Variants in GPM6A observed in about 807,000 individuals in gnomAD.
The protein encoded by GPM6A is glycoprotein M6A, also known as neuronal membrane glycoprotein M6-a.
GPM6A carries 7 observed loss-of-function variants against 32.1 expected under a neutral mutation model. That is an observed-to-expected ratio of 0.22 (90% CI 0.12 to 0.41). The LOEUF (loss-of-function observed/expected upper bound fraction) is 0.41. GPM6A is among the 10% of genes least tolerant of loss of function. The pLI is 1.00. For missense variants in GPM6A, 235 were observed against 347.2 expected, an observed-to-expected ratio of 0.68 and a Z score of 2.57; for synonymous variants, 130 against 123.4, an observed-to-expected ratio of 1.05 and a Z score of -0.35.
At chr4:175,842,316 T>C (rs1476446954) in intron 1 of GPM6A, among the ~76,000 whole-genome samples, 1 of 152,162 alleles carries the variant, frequency 6.6e-6, no homozygotes, top group Non-Finnish European at 1.5e-5. Context: ...GGTGTTACTA[T>C]GTAAATGACT....
At chr4:175,968,850 A>G (rs142966081) in intron 1 of GPM6A, among the ~76,000 whole-genome samples, 34 of 152,358 alleles carry the variant, frequency 2.2e-4, no homozygotes, top group African/African-American at 8.2e-4. Flanking sequence ...AAAATGGTAC[A>G]GCCATTTTAG....
At chr4:175,862,668 T>A (rs1053704685) in intron 1 of GPM6A, among the ~76,000 whole-genome samples, 5 of 152,136 alleles carry the variant, frequency 3.3e-5, no homozygotes, top group African/African-American at 7.2e-5. Context: ...TAGTAACCAA[T>A]CTAAATCCCC....
At chr4:175,812,310 T>TTTTG, upstream of GPM6A, 5 of 1,129,188 alleles carry the variant, frequency 4.4e-6, no homozygotes, top group Non-Finnish European at 4.5e-6. Context: ...GGTTTTTTTT[T>TTTTG]TTTTTTTTTT....
Position 175,993,507 on chromosome 4 carries a change from G to T in GPM6A, c.-23+8802C>A, listed in dbSNP as rs7683937. On this transcript the variant is annotated intron_variant, in intron 1 of 7. Transcript: ENST00000280187. ...TCTTTCACAAGGGCCTTTGGTCTAAGGTTAACTCCCTCCCACAACTGTTTT... is the reference window on the plus strand; with the variant it reads ...TCTTTCACAAGGGCCTTTGGTCTAATGTTAACTCCCTCCCACAACTGTTTT... Among the ~76,000 whole-genome samples the T allele has an allele frequency of 4.8e-3, 724 of 152,096 alleles. 12 individuals carry two copies. The highest frequency in any genetic ancestry group is 0.016 in the African/African-American group (675 of 41,484).
At chr4:175,812,106 T>G in intron 1 of GPM6A, 85 bp downstream of exon 1, 1 of 1,000,296 alleles carries the variant, frequency 1.0e-6, no homozygotes, top group Non-Finnish European at 1.5e-6. Context: ...GAAACATTCA[T>G]TAGCCTTACT....
intron 1 of GPM6A, among the ~76,000 whole-genome samples, chr4:175,870,998 C>T (rs976017383): frequency 6.6e-6 from 1 of 151,936 alleles, no homozygotes; most frequent in African/African-American, 2.4e-5. Flanking sequence ...ATGTTAATAT[C>T]ATATTTCTAG....
rs1333660900 is a variant in GPM6A at position 175,702,608 on chromosome 4, G to A, written c.38-841C>T. On this transcript the variant is annotated intron_variant, in intron 1 of 6. Transcript: ENST00000393658. ...CGGCTCACTGCAATCTCTGCCTCCC[G>A]AGTTCAAGAGATTCTCCTGCCTTAG... is the stretch of plus-strand genomic sequence containing the variant. 5.3e-5 allele frequency among the ~76,000 whole-genome samples: 8 copies of A among 151,990 alleles called. No individual in the cohort carries two copies. The South Asian group carries it at 6.2e-4, about 12-fold the overall frequency.
intron 4 of GPM6A, among the ~76,000 whole-genome samples, chr4:175,650,300 T>C (rs1741721645): frequency 2.2e-5 from 2 of 89,986 alleles, no homozygotes; most frequent in Admixed American, 2.2e-4. Flanking sequence ...ATTTATTTAT[T>C]TATTTATTTA....
chr4:175,864,038 C>T (rs147673408), intron 1 of GPM6A, among the ~76,000 whole-genome samples: 2 of 152,176 alleles, frequency 1.3e-5, no homozygotes, highest in East Asian at 3.9e-4. Context: ...TTTATCAATA[C>T]CATTGCCAAC....
rs66569311 is a variant in GPM6A at position 175,820,500 on chromosome 4, CTTTTTTTT to C, written c.-22-8259_-22-8252del. Among the ~76,000 whole-genome samples, 9 of 112,126 alleles carry C rather than the reference CTTTTTTTT, an allele frequency of 8.0e-5. No homozygotes were observed. In the Admixed American group the frequency reaches 1.0e-3, roughly 13 times the overall value. 73.6% of individuals were successfully genotyped at this position (112,126 alleles called of 152,430 possible). ...GTAGGTTTTCTTTTTTCTTTTCTTT[CTTTTTTTT>C]TTTTTTTTTTGAGATGGAGTCTTGC... On this transcript the variant is annotated intron_variant, in intron 1 of 7. Transcript: ENST00000280187.
intron 1 of GPM6A, among the ~76,000 whole-genome samples, chr4:175,967,301 G>C (rs1041463920): frequency 6.6e-6 from 1 of 151,888 alleles, no homozygotes; most frequent in Non-Finnish European, 1.5e-5. Flanking sequence ...ACTTGGTAAA[G>C]AATAGCTAAG....
chr4:175,720,905 C>T lies in GPM6A; in HGVS notation c.38-19138G>A, dbSNP rs367586467. On this transcript the variant is annotated intron_variant, in intron 1 of 6. Transcript: ENST00000393658. Reference sequence around the variant, plus strand: ...ATTTCTGCATTTGGCTGTAACTGGTCGCTGCTGAGGTGTGATGAAAAGACT... The same window carrying T: ...ATTTCTGCATTTGGCTGTAACTGGTTGCTGCTGAGGTGTGATGAAAAGACT... Among the ~76,000 whole-genome samples the T allele has an allele frequency of 1.1e-4, 17 of 151,550 alleles. No individual in the cohort carries two copies. In the East Asian group the frequency reaches 2.3e-3, roughly 21 times the overall value.
chr4:175,927,216 C>T (rs369498478), intron 1 of GPM6A, among the ~76,000 whole-genome samples: 80 of 152,330 alleles, frequency 5.3e-4, no homozygotes, highest in Non-Finnish European at 9.1e-4. Context: ...CGGAAGGACA[C>T]GGCTTTGAGA....
intron 1 of GPM6A, among the ~76,000 whole-genome samples, chr4:175,831,897 T>C (rs1172930245): frequency 6.6e-6 from 1 of 151,902 alleles, no homozygotes; most frequent in African/African-American, 2.4e-5. Context: ...TTTTGTATTT[T>C]TAGTAGAGAC....
intron 4 of GPM6A, among the ~76,000 whole-genome samples, chr4:175,649,116 C>T (rs2110911272): frequency 6.6e-6 from 1 of 152,280 alleles, no homozygotes. Flanking sequence ...TCAATCCCAG[C>T]ACGGCCTGCT....
intron 1 of GPM6A, among the ~76,000 whole-genome samples, chr4:175,702,159 T>C (rs1243304774): frequency 6.6e-6 from 1 of 152,254 alleles, no homozygotes; most frequent in Non-Finnish European, 1.5e-5. Context: ...ACTCTGTGTA[T>C]CTGCATTTTT....
rs146475999 is a variant in GPM6A, at chr4:175,897,891, A to C, written c.-22-85642T>G. 1.4e-3 allele frequency among the ~76,000 whole-genome samples: 208 copies of C among 152,304 alleles called. 1 individual carries two copies. In the East Asian group the frequency reaches 0.027, roughly 20 times the overall value. On this transcript the variant is annotated intron_variant, in intron 1 of 7. Transcript: ENST00000280187. ...TGATTCTAAAAATTGACTTTACTTAAATTAGAATCCCTCTTCTCTTGGCAA... is the reference window on the plus strand; with the variant it reads ...TGATTCTAAAAATTGACTTTACTTACATTAGAATCCCTCTTCTCTTGGCAA...
At position 175,673,808 on chromosome 4, in the gene GPM6A, C is replaced by A; in HGVS notation, c.259G>T (p.Gly87Cys). Residue 87 changes from glycine to cysteine, a missense_variant, in exon 3 of 7, where the codon GGC becomes TGC. Coordinates refer to ENST00000393658, the MANE Select transcript of GPM6A (RefSeq NM_201591.3). Reference protein sequence around the residue: ...MIDIFKYVIYGIAAAFFVYGI... With the variant: ...MIDIFKYVIYCIAAAFFVYGI... ...TACACAAAGAACGCAGCTGCGATGC[C>A]GTAGATCACATACTTAAAGATGTCA... 6.2e-7 allele frequency: 1 copy of A among 1,607,716 alleles called. No homozygotes were observed. Among genetic ancestry groups the A allele is most frequent in the Non-Finnish European group, 8.5e-7 (1 of 1,175,446 alleles).
intron 1 of GPM6A, among the ~76,000 whole-genome samples, chr4:175,932,491 T>C (rs1353176362): frequency 6.6e-6 from 1 of 152,206 alleles, no homozygotes; most frequent in Non-Finnish European, 1.5e-5. Flanking sequence ...AAAATAAATT[T>C]CCATTCTTTA....
Sources: allele counts gnomAD v4.1 joint callset (sites outside exome capture counted in the v4.1 genomes callset), GRCh38; gene constraint gnomAD v4.1.1; transcripts MANE v1.5; gene names NCBI Gene and HGNC (gene_info 2026-07-23, HGNC 2026-07-21).